ASTN1: variants seen among roughly 807,000 people sequenced by gnomAD.
ASTN1 encodes astrotactin-1.
In ASTN1, 41 loss-of-function variants were observed where a neutral mutation model predicts 140.7. The ratio of observed to expected loss-of-function variants is 0.29; its 90% CI spans 0.23 to 0.38. The LOEUF (loss-of-function observed/expected upper bound fraction) is 0.38, where lower values mean the gene tolerates loss of function less well. Ranked by LOEUF, ASTN1 falls within the 10% of genes least tolerant of loss-of-function variation. The probability of loss-of-function intolerance (pLI) is 1.00; values close to 1 mark genes in which losing one functional copy is unlikely to be tolerated. For missense variants in ASTN1, 1,479 were observed against 1,678.8 expected (o/e 0.88, Z 2.08); for synonymous variants, 640 against 652.2 (o/e 0.98, Z 0.29).
At position 176,861,734 on chromosome 1, in the gene ASTN1, C is replaced by T. The variant is rs575003677; in HGVS notation, c.*2550G>A. Reference sequence around the variant, plus strand: ...CACACATTCAGTGGGGAGAACTCAACGAGAAACAGGAGGAAGAAAGTCTTG... The same window carrying T: ...CACACATTCAGTGGGGAGAACTCAATGAGAAACAGGAGGAAGAAAGTCTTG... On this transcript the variant is annotated 3_prime_UTR_variant, in exon 23 of 23. Coordinates refer to ENST00000361833, the MANE Select transcript of ASTN1 (RefSeq NM_004319.3). The T allele has an allele frequency of 2.1e-4, 205 of 984,182 alleles. No individual in the cohort carries two copies. Among genetic ancestry groups the T allele is most frequent in the African/African-American group, 8.5e-4 (48 of 56,802 alleles). 61.0% of individuals were successfully genotyped at this position (984,182 alleles called of 1,614,324 possible). A position where few individuals can be genotyped will look rare whatever the true frequency, so the allele number is the denominator to read the frequency against.
At chr1:176,949,865 T>A (rs1292644402) in intron 11 of ASTN1, among the ~76,000 whole-genome samples, 1 of 152,140 alleles carries the variant, frequency 6.6e-6, no homozygotes, top group Non-Finnish European at 1.5e-5. Context: ...AAGGAGGAAG[T>A]GAACATTCCC....
At chr1:177,160,230 T>A (rs1647276096) in intron 1 of ASTN1, among the ~76,000 whole-genome samples, 1 of 152,240 alleles carries the variant, frequency 6.6e-6, no homozygotes. Flanking sequence ...TAAGTGACCC[T>A]GAGTAAGTTA....
chr1:176,878,807 TC>T (rs1194543500), intron 20 of ASTN1, among the ~76,000 whole-genome samples: 1 of 151,862 alleles, frequency 6.6e-6, no homozygotes, highest in Non-Finnish European at 1.5e-5. Flanking sequence ...AAGGCGAAGT[TC>T]CCCCTCATAC....
intron 16 of ASTN1, among the ~76,000 whole-genome samples, chr1:176,912,109 C>T (rs12061882): frequency 0.056 from 8,499 of 152,126 alleles, 248 homozygotes; most frequent in African/African-American, 0.079. Context: ...TATCAGGAGA[C>T]GTATGCAAGG....
At chr1:177,020,845 CTGTGTTTG>C (rs746937461) in intron 7 of ASTN1, among the ~76,000 whole-genome samples, 112 of 152,238 alleles carry the variant, frequency 7.4e-4, no homozygotes, top group East Asian at 2.1e-3. Flanking sequence ...GACTGAGCAT[CTGTGTTTG>C]TGTGTTTGTG....
chr1:177,112,540 T>C (rs12141039), intron 1 of ASTN1, among the ~76,000 whole-genome samples: 47,980 of 152,092 alleles, frequency 0.32, 8,501 homozygotes, highest in Middle Eastern at 0.45. Context: ...TGAGGTCTGA[T>C]GGGAGAAATG....
chr1:176,896,737 G>C (rs1669522467), intron 16 of ASTN1, among the ~76,000 whole-genome samples: 1 of 152,152 alleles, frequency 6.6e-6, no homozygotes, highest in African/African-American at 2.4e-5. Context: ...AAGTCGATGA[G>C]TTGTAGCTCA....
intron 14 of ASTN1, among the ~76,000 whole-genome samples, chr1:176,940,877 T>A (rs547913885): frequency 6.6e-6 from 1 of 152,332 alleles, no homozygotes; most frequent in Admixed American, 6.5e-5. Context: ...TGGCTTAAAG[T>A]GAAAAGGATT....
chr1:176,920,349 AACAACCCTTC>A (rs1190620158), intron 16 of ASTN1, among the ~76,000 whole-genome samples: 1 of 152,162 alleles, frequency 6.6e-6, no homozygotes, highest in Non-Finnish European at 1.5e-5. Context: ...GCAATCTATG[AACAACCCTTC>A]ACAAAACTGC....
chr1:176,858,554 G>A (rs1257724601), downstream of ASTN1, among the ~76,000 whole-genome samples: 3 of 152,118 alleles, frequency 2.0e-5, no homozygotes. Flanking sequence ...ATAGTAAAAG[G>A]CAACATTGAA....
chr1:177,153,001 T>C (rs1048745735), intron 1 of ASTN1, among the ~76,000 whole-genome samples: 3 of 152,186 alleles, frequency 2.0e-5, no homozygotes, highest in Non-Finnish European at 2.9e-5. Context: ...TAATAACTGG[T>C]AATCAACCAT....
intron 8 of ASTN1, among the ~76,000 whole-genome samples, chr1:176,991,455 A>AAAAACAAAAAAAAAAAAAAAAAAAG (rs1674169775): frequency 7.3e-6 from 1 of 136,634 alleles, no homozygotes; most frequent in South Asian, 2.3e-4. Flanking sequence ...AAAAAAAAAA[A>AAAAACAAAAAAAAAAAAAAAAAAAG]AAACCAACAA....
chr1:176,867,919 TTTCCTTCCTTCC>T (rs57237203), intron 22 of ASTN1, among the ~76,000 whole-genome samples: 1 of 150,736 alleles, frequency 6.6e-6, no homozygotes, highest in Non-Finnish European at 1.5e-5. Context: ...ATTTTCTTCA[TTTCCTTCCTTCC>T]TTCCTTCCTT....
In ASTN1 at chr1:176,917,216, T is replaced by A. The variant is rs147511664; in HGVS notation, c.2671+16936A>T. Among the ~76,000 whole-genome samples, 8 of 152,264 alleles carry A rather than the reference T, an allele frequency of 5.3e-5. No individual in the cohort carries two copies. The East Asian group carries it at 1.4e-3, about 26-fold the overall frequency. On this transcript the variant is annotated intron_variant, in intron 16 of 22. Coordinates refer to ENST00000361833, the MANE Select transcript of ASTN1 (RefSeq NM_004319.3). ...TCCTAGACTCTTCCCAGAGACTTGA[T>A]GAACAACTTGAGGGCAGGCATAGTT...
intron 2 of ASTN1, among the ~76,000 whole-genome samples, chr1:177,048,387 A>ACC (rs1295651298): frequency 2.6e-5 from 4 of 152,196 alleles, no homozygotes; most frequent in African/African-American, 9.6e-5. Flanking sequence ...GGCAGAGTCC[A>ACC]CCATCCTACC....
intron 2 of ASTN1, among the ~76,000 whole-genome samples, chr1:177,045,633 T>C (rs1369797269): frequency 4.6e-5 from 7 of 152,202 alleles, no homozygotes; most frequent in Non-Finnish European, 1.0e-4. Flanking sequence ...GCTATGTTTT[T>C]AGAGCGTGTG....
chr1:176,976,364 A>T (rs1673363437), intron 8 of ASTN1: 1 of 152,168 alleles, frequency 6.6e-6, no homozygotes, highest in South Asian at 2.1e-4. Flanking sequence ...GAGACTCACG[A>T]CTGCTCTCTT....
intron 9 of ASTN1, among the ~76,000 whole-genome samples, chr1:176,959,833 T>C (rs1288234416): frequency 6.6e-6 from 1 of 152,148 alleles, no homozygotes; most frequent in African/African-American, 2.4e-5. Flanking sequence ...AGCATTGAAA[T>C]GTCAGAGATG....
chr1:176,926,220 T>G (rs559295230), intron 16 of ASTN1, among the ~76,000 whole-genome samples: 1 of 151,606 alleles, frequency 6.6e-6, no homozygotes, highest in African/African-American at 2.4e-5. Context: ...AGGGTAAGAC[T>G]TAAATGATAT....
Sources: allele counts gnomAD v4.1 joint callset (sites outside exome capture counted in the v4.1 genomes callset), GRCh38; gene constraint gnomAD v4.1.1; transcripts MANE v1.5; gene names NCBI Gene and HGNC (gene_info 2026-07-23, HGNC 2026-07-21).